TRIM5: variants seen among roughly 807,000 people sequenced by gnomAD.
TRIM5 encodes tripartite motif-containing protein 5.
TRIM5 carries 31 observed loss-of-function variants against 35.6 expected under a neutral mutation model. The ratio of observed to expected loss-of-function variants is 0.87; its 90% CI spans 0.65 to 1.18. The LOEUF (loss-of-function observed/expected upper bound fraction) is 1.18, where lower values mean the gene tolerates loss of function less well. TRIM5 is among the 50% of genes most tolerant of loss of function. The probability of loss-of-function intolerance (pLI) is 0.00; values close to 1 mark genes in which losing one functional copy is unlikely to be tolerated. For missense variants in TRIM5, 609 were observed against 591.6 expected, an observed-to-expected ratio of 1.03 and a Z score of -0.31; for synonymous variants, 243 against 215.6, an observed-to-expected ratio of 1.13 and a Z score of -1.11.
the TRIM5 span, among the ~76,000 whole-genome samples, chr11:5,595,044 G>A: frequency 6.6e-6 from 1 of 152,200 alleles, no homozygotes; most frequent in African/African-American, 2.4e-5. Flanking sequence ...AGTGACACAT[G>A]TCTGCACTTA....
At chr11:5,612,653 A>G in the TRIM5 span, 2 of 152,190 alleles carry the variant, frequency 1.3e-5, no homozygotes, top group African/African-American at 2.4e-5. Context: ...GAGGTGCAAT[A>G]TGTTTTTTGA....
At chr11:5,675,920 C>T (rs1232446137) in intron 4 of TRIM5, among the ~76,000 whole-genome samples, 1 of 108,684 alleles carries the variant, frequency 9.2e-6, no homozygotes, top group East Asian at 2.5e-4. Flanking sequence ...TCTCATTGTT[C>T]AATTCCCACC....
chr11:5,632,782 G>A, the TRIM5 span: 2 of 1,541,882 alleles, frequency 1.3e-6, no homozygotes, highest in South Asian at 1.2e-5. Context: ...GGGAGATGGG[G>A]CAGAAGATGG....
In TRIM5 at chr11:5,683,516, TTA is replaced by T. The variant is rs546500036; in HGVS notation, c.-62+1350_-62+1351del. 3.5e-3 allele frequency among the ~76,000 whole-genome samples: 539 copies of T among 151,886 alleles called. 10 individuals are homozygous for T. Among genetic ancestry groups the T allele is most frequent in the African/African-American group, 0.013 (522 of 41,376 alleles). Reference sequence around the variant, plus strand: ...ACTCTGGTGGGGACTTGGAGAAACTTTATGTCTAGCGAAGGGATTGTAAATAC... The same window carrying T: ...ACTCTGGTGGGGACTTGGAGAAACTTTGTCTAGCGAAGGGATTGTAAATAC... On this transcript the variant is annotated intron_variant, in intron 1 of 7. Transcript: ENST00000380034.
the TRIM5 span, chr11:5,595,383 A>G: frequency 6.6e-6 from 1 of 152,270 alleles, no homozygotes; most frequent in African/African-American, 2.4e-5. Flanking sequence ...TTCTAGTTAT[A>G]TAGGTCAAAA....
the TRIM5 span, chr11:5,645,981 CAT>C: frequency 2.8e-4 from 34 of 120,052 alleles, no homozygotes; most frequent in East Asian, 1.7e-3. Context: ...GTATTTATAA[CAT>C]ATGTGTAATT....
chr11:5,678,440 G>A lies in TRIM5; in HGVS notation c.514-6C>T. 4 of 1,507,810 alleles carry A rather than the reference G, an allele frequency of 2.7e-6. No homozygotes were observed. The highest frequency in any genetic ancestry group is 1.4e-5 in the South Asian group (1 of 73,854). 93.4% of individuals were successfully genotyped at this position (1,507,810 alleles called of 1,614,324 possible). On this transcript the variant is annotated splice_polypyrimidine_tract_variant and splice_region_variant and intron_variant, in intron 3 of 7. Coordinates refer to ENST00000380034, the MANE Select transcript of TRIM5 (RefSeq NM_033034.3). ...TTGTCATACTGTATTTGAGTCTTCA[G>A]AGATAAGAGAAGAGAAAGGGGCACT...
the TRIM5 span, among the ~76,000 whole-genome samples, chr11:5,633,531 T>C: frequency 2.6e-5 from 4 of 152,258 alleles, no homozygotes; most frequent in African/African-American, 9.6e-5. Context: ...AGAGCATTGA[T>C]AAGAGGAAAG....
the TRIM5 span, chr11:5,610,895 T>C: frequency 6.2e-7 from 1 of 1,614,110 alleles, no homozygotes; most frequent in Non-Finnish European, 8.5e-7. Flanking sequence ...AAAAGCATTA[T>C]GACTGTAGTG....
At chr11:5,645,881 ATATAT>A in the TRIM5 span, 1 of 92,776 alleles carries the variant, frequency 1.1e-5, no homozygotes, top group African/African-American at 6.3e-5. Context: ...AAAAAAAAAA[ATATAT>A]ATATATATAT....
At chr11:5,635,961 T>C in the TRIM5 span, among the ~76,000 whole-genome samples, 1 of 152,236 alleles carries the variant, frequency 6.6e-6, no homozygotes, top group Non-Finnish European at 1.5e-5. Context: ...TAAAGCTACT[T>C]AGGAAAAACT....
chr11:5,679,713 A>T (rs370000178), intron 2 of TRIM5, 48 bp downstream of exon 2: 3 of 1,512,602 alleles, frequency 2.0e-6, no homozygotes, highest in Non-Finnish European at 2.7e-6. Flanking sequence ...AAAATTTTCC[A>T]TCTGGTCCCA....
At chr11:5,621,712 CAA>C in the TRIM5 span, among the ~76,000 whole-genome samples, 2 of 152,184 alleles carry the variant, frequency 1.3e-5, no homozygotes, top group Non-Finnish European at 2.9e-5. Flanking sequence ...CCATTCTATT[CAA>C]AGTCATCCCT....
chr11:5,648,726 A>G, the TRIM5 span, among the ~76,000 whole-genome samples: 1 of 152,206 alleles, frequency 6.6e-6, no homozygotes, highest in African/African-American at 2.4e-5. Context: ...CTTGTGGAAG[A>G]GGCTTTTGGT....
At chr11:5,670,986 G>A (rs1851545281) in intron 4 of TRIM5, among the ~76,000 whole-genome samples, 1 of 152,104 alleles carries the variant, frequency 6.6e-6, no homozygotes, top group Non-Finnish European at 1.5e-5. Context: ...GCTCATTCCT[G>A]TAATCCCAGG....
At chr11:5,646,911 T>C in the TRIM5 span, among the ~76,000 whole-genome samples, 20 of 152,114 alleles carry the variant, frequency 1.3e-4, no homozygotes, top group Non-Finnish European at 2.8e-4. Context: ...CTTGAGCTCA[T>C]AGGACATGAA....
downstream of TRIM5, among the ~76,000 whole-genome samples, chr11:5,660,916 C>T (rs985676477): frequency 6.6e-6 from 1 of 151,352 alleles, no homozygotes; most frequent in Non-Finnish European, 1.5e-5. Flanking sequence ...GTGGCAGGTG[C>T]CTGTAGTGCC....
At chr11:5,660,338 G>C (rs1054141236), downstream of TRIM5, among the ~76,000 whole-genome samples, 1 of 152,128 alleles carries the variant, frequency 6.6e-6, no homozygotes, top group African/African-American at 2.4e-5. Context: ...GTTCTACCCA[G>C]TAACAACTGA....
chr11:5,644,098 G>A, the TRIM5 span: 1 of 408,338 alleles, frequency 2.4e-6, no homozygotes, highest in Non-Finnish European at 4.3e-6. Context: ...TTCTTGGAGG[G>A]TATGTCAGTG....
Sources: allele counts gnomAD v4.1 joint callset (sites outside exome capture counted in the v4.1 genomes callset), GRCh38; gene constraint gnomAD v4.1.1; transcripts MANE v1.5; gene names NCBI Gene and HGNC (gene_info 2026-07-23, HGNC 2026-07-21).